Variants in RC3H2 observed in about 807,000 individuals in gnomAD.
RC3H2 encodes roquin-2.
In RC3H2, 31 loss-of-function variants were observed where a neutral mutation model predicts 133.3. The ratio of observed to expected loss-of-function variants is 0.23; its 90% confidence interval spans 0.17 to 0.31. The LOEUF is 0.31. Ranked by LOEUF, RC3H2 falls within the 10% of genes least tolerant of loss-of-function variation. The probability of loss-of-function intolerance (pLI) is 1.00; values close to 1 mark genes in which losing one functional copy is unlikely to be tolerated. For synonymous variants in RC3H2, 517 were observed against 502.2 expected (o/e 1.03, Z -0.40); for missense variants, 1,175 against 1,437.2 (o/e 0.82, Z 2.95).
At chr9:122,901,138 A>T (rs968862388) in intron 1 of RC3H2, among the ~76,000 whole-genome samples, 1 of 152,210 alleles carries the variant, frequency 6.6e-6, no homozygotes, top group Non-Finnish European at 1.5e-5. Flanking sequence ...ATGCTTCTTT[A>T]ACTGTCATAT....
chr9:122,900,240 T>A (rs1971886), intron 1 of RC3H2, among the ~76,000 whole-genome samples: 148,468 of 152,270 alleles, frequency 0.98, 72,504 homozygotes, highest in East Asian at 1. Flanking sequence ...GATATAAAGG[T>A]AAAACACTGC....
In RC3H2 at chr9:122,845,843, A is replaced by G. The variant is rs1829857621; in HGVS notation, c.*3784T>C. 6.6e-6 allele frequency: 1 copy of G among 152,204 alleles called. No individual in the cohort carries two copies. Among genetic ancestry groups the G allele is most frequent in the Admixed American group, 6.5e-5 (1 of 15,284 alleles). 9.4% of individuals were successfully genotyped at this position (152,204 alleles called of 1,614,324 possible). ...ATCAAGCCTCTTCATTCACTAAAACAAAAGAAAAGTTCTTCCAGGAAACCA... is the reference window on the plus strand; with the variant it reads ...ATCAAGCCTCTTCATTCACTAAAACGAAAGAAAAGTTCTTCCAGGAAACCA... On this transcript the variant is annotated 3_prime_UTR_variant, in exon 21 of 21. Coordinates refer to ENST00000357244, the MANE Select transcript of RC3H2 (RefSeq NM_001100588.3).
At chr9:122,893,133 A>G (rs1186210238) in intron 2 of RC3H2, 107 bp from the exon 3 acceptor site, 2 of 1,365,628 alleles carry the variant, frequency 1.5e-6, no homozygotes, top group Non-Finnish European at 9.7e-7. Flanking sequence ...ATTATCATGC[A>G]TAGATAATAC....
At chr9:122,884,321 C>G (rs1420666786) in intron 4 of RC3H2, among the ~76,000 whole-genome samples, 2 of 152,134 alleles carry the variant, frequency 1.3e-5, no homozygotes, top group African/African-American at 4.8e-5. Context: ...CACAGAACTA[C>G]TCTGACAATG....
In RC3H2 at chr9:122,860,140, A is replaced by G. The variant is rs746159600; in HGVS notation, c.1635-9T>C. On this transcript the variant is annotated splice_polypyrimidine_tract_variant and intron_variant, in intron 10 of 20. Transcript: ENST00000357244. ...GTGGAGAACCAATTTTACTGGAGAGAAAATTTAACAAAGGGCAAAGGAGAA... is the reference window on the plus strand; with the variant it reads ...GTGGAGAACCAATTTTACTGGAGAGGAAATTTAACAAAGGGCAAAGGAGAA... 1.2e-6 allele frequency: 2 copies of G among 1,601,622 alleles called. No homozygotes were observed.
At chr9:122,896,495 G>T (rs1031059163) in intron 2 of RC3H2, among the ~76,000 whole-genome samples, 1 of 152,100 alleles carries the variant, frequency 6.6e-6, no homozygotes, top group Non-Finnish European at 1.5e-5. Context: ...TTTAGCCACA[G>T]AATTGAATAT....
intron 13 of RC3H2, among the ~76,000 whole-genome samples, chr9:122,856,648 G>T (rs1306365434): frequency 1.3e-5 from 2 of 152,152 alleles, no homozygotes; most frequent in African/African-American, 4.8e-5. Flanking sequence ...GAATTCAAAG[G>T]AGGCTCTGGA....
intron 20 of RC3H2, among the ~76,000 whole-genome samples, chr9:122,850,582 A>G (rs1829984723): frequency 6.6e-6 from 1 of 151,970 alleles, no homozygotes; most frequent in African/African-American, 2.4e-5. Flanking sequence ...AGCTGAGAAT[A>G]CAGGTGCCCG....
At chr9:122,860,600 G>A (rs1428023803) in intron 10 of RC3H2, among the ~76,000 whole-genome samples, 1 of 151,712 alleles carries the variant, frequency 6.6e-6, no homozygotes, top group Non-Finnish European at 1.5e-5. Flanking sequence ...TTTTTGTAGA[G>A]ACGGGGTCTA....
chr9:122,875,331 G>C, intron 9 of RC3H2: 3 of 1,550,568 alleles, frequency 1.9e-6, no homozygotes, highest in Non-Finnish European at 2.6e-6. Flanking sequence ...ACTGAGGAAA[G>C]GAGACAACAA....
chr9:122,856,746 A>G (rs1310183219), intron 13 of RC3H2, among the ~76,000 whole-genome samples: 2 of 152,248 alleles, frequency 1.3e-5, no homozygotes, highest in East Asian at 3.8e-4. Context: ...GAATCATTAA[A>G]TCTAGTTTAC....
chr9:122,856,031 G>C (rs572258945), intron 13 of RC3H2, among the ~76,000 whole-genome samples, 153 bp from the exon 14 acceptor site: 1 of 152,090 alleles, frequency 6.6e-6, no homozygotes, highest in Non-Finnish European at 1.5e-5. Context: ...TAATAAGCAA[G>C]AAATGGTATT....
intron 13 of RC3H2, among the ~76,000 whole-genome samples, chr9:122,857,230 A>G (rs1269559979): frequency 6.6e-6 from 1 of 152,246 alleles, no homozygotes; most frequent in African/African-American, 2.4e-5. Context: ...AAAAATTTTA[A>G]TATCAGAACT....
rs1401486765 is a variant in RC3H2 at position 122,854,039 on chromosome 9, G to A, written c.3030C>T (p.Ala1010=). ...CCAGGGAATTCCACTTCTGTTGCATGGCCAAAGCATTGGCCTCTCTCTGAA... is the reference window on the plus strand; with the variant it reads ...CCAGGGAATTCCACTTCTGTTGCATAGCCAAAGCATTGGCCTCTCTCTGAA... ...LLLQREANAL[A]MQQKWNSLDE... Residue 1010 remains alanine (A), a synonymous_variant, in exon 18 of 21, where the codon GCC becomes GCT. Coordinates refer to ENST00000357244, the MANE Select transcript of RC3H2 (RefSeq NM_001100588.3). 5.6e-6 allele frequency: 9 copies of A among 1,614,024 alleles called. No individual in the cohort carries two copies. The highest frequency in any genetic ancestry group is 6.8e-6 in the Non-Finnish European group (8 of 1,180,044).
At chr9:122,870,431 CTG>C (rs1220044692) in intron 9 of RC3H2, among the ~76,000 whole-genome samples, 9 of 150,382 alleles carry the variant, frequency 6.0e-5, no homozygotes, top group South Asian at 4.2e-4. Context: ...AAACAACAAA[CTG>C]AGATAATCCA....
intron 4 of RC3H2, among the ~76,000 whole-genome samples, chr9:122,887,343 A>C (rs751886370): frequency 1.3e-5 from 2 of 152,098 alleles, no homozygotes; most frequent in Admixed American, 6.6e-5. Flanking sequence ...ACTTACATCT[A>C]GTAGGAGCTC....
chr9:122,851,257 G>A (rs1215627534), intron 19 of RC3H2, 28 bp from the exon 20 acceptor site: 2 of 1,611,904 alleles, frequency 1.2e-6, no homozygotes, highest in Non-Finnish European at 1.7e-6. Flanking sequence ...TAATCCTTCA[G>A]TATGAAAGTA....
At chr9:122,902,662 G>A (rs2131515286) in intron 1 of RC3H2, among the ~76,000 whole-genome samples, 1 of 152,096 alleles carries the variant, frequency 6.6e-6, no homozygotes, top group South Asian at 2.1e-4. Flanking sequence ...GACCAGCCTG[G>A]TCAACATGGC....
chr9:122,872,230 T>G (rs900351847), intron 9 of RC3H2, among the ~76,000 whole-genome samples: 1 of 152,220 alleles, frequency 6.6e-6, no homozygotes, highest in Non-Finnish European at 1.5e-5. Flanking sequence ...CCTTGATTCC[T>G]CTCTTTTCTT....
Sources: gnomAD v4.1 joint callset for allele counts (sites outside exome capture counted in the v4.1 genomes callset) on GRCh38, gnomAD v4.1.1 for gene constraint, MANE v1.5 for transcripts, NCBI Gene and HGNC (gene_info 2026-07-23, HGNC 2026-07-21) for gene names.